TRIOBP: variants seen among roughly 807,000 people sequenced by gnomAD.
TRIOBP encodes TRIO and F-actin binding protein.
A neutral mutation model predicts 238.8 loss-of-function variants in TRIOBP; 169 were observed. That is an observed-to-expected ratio of 0.71 (90% CI 0.62 to 0.80). The LOEUF (loss-of-function observed/expected upper bound fraction) is 0.80. Among genes scored for constraint, TRIOBP ranks in the 30% least tolerant of loss-of-function variants. The pLI, the probability that TRIOBP is intolerant of heterozygous loss-of-function variation, is 0.00. For missense variants in TRIOBP, 2,838 were observed against 3,122.6 expected, an observed-to-expected ratio of 0.91 and a Z score of 2.17; for synonymous variants, 1,150 against 1,274.4, an observed-to-expected ratio of 0.90 and a Z score of 2.08.
chr22:37,741,211 G>A (rs1429785742), intron 11 of TRIOBP, among the ~76,000 whole-genome samples, 179 bp downstream of exon 11: 1 of 152,206 alleles, frequency 6.6e-6, no homozygotes, highest in Admixed American at 6.5e-5. Flanking sequence ...CTCAGCAAGC[G>A]AGTGGGTTTC....
At chr22:37,700,504 C>G (rs1266089660) in intron 2 of TRIOBP, among the ~76,000 whole-genome samples, 2 of 151,724 alleles carry the variant, frequency 1.3e-5, no homozygotes, top group Non-Finnish European at 2.9e-5. Context: ...CAGCCTCGAC[C>G]TCCCAGACTC....
intron 11 of TRIOBP, among the ~76,000 whole-genome samples, chr22:37,747,486 G>A (rs938904646): frequency 6.6e-5 from 10 of 152,178 alleles, no homozygotes; most frequent in African/African-American, 2.2e-4. Context: ...GGCTGCTGGG[G>A]GGCGTGGCAC....
Position 37,766,511 on chromosome 22 carries a change from G to A in TRIOBP, c.6472+694G>A, listed in dbSNP as rs139237886. ...AGGAAGATCGCCTTTGCAGCCGCGT[G>A]TGTTAGAGACCCCTTCCCCCTCAGC... On this transcript the variant is annotated intron_variant, in intron 18 of 23. Transcript: ENST00000644935. 1.1e-4 allele frequency among the ~76,000 whole-genome samples: 17 copies of A among 152,384 alleles called. No individual in the cohort carries two copies. In the East Asian group the frequency reaches 3.1e-3, roughly 28 times the overall value.
intron 11 of TRIOBP, among the ~76,000 whole-genome samples, chr22:37,748,355 A>C (rs895547452): frequency 2.4e-4 from 36 of 152,034 alleles, no homozygotes; most frequent in African/African-American, 8.0e-4. Context: ...CAGGTGTGTG[A>C]GTGTGTGAGG....
At position 37,740,555 on chromosome 22, in the gene TRIOBP, A is replaced by G. The variant is rs533281463; in HGVS notation, c.5185-340A>G. 1.9e-3 allele frequency among the ~76,000 whole-genome samples: 290 copies of G among 152,182 alleles called. 1 individual carries two copies. The highest frequency in any genetic ancestry group is 2.7e-3 in the Non-Finnish European group (182 of 67,908). On this transcript the variant is annotated intron_variant, in intron 10 of 23. Coordinates refer to ENST00000644935, the MANE Select transcript of TRIOBP (RefSeq NM_001039141.3). ...AGAAACACTGGAGATATGTATTTATATGTGAAATCTCTAACCTAATGTGAA... is the reference window on the plus strand; with the variant it reads ...AGAAACACTGGAGATATGTATTTATGTGTGAAATCTCTAACCTAATGTGAA...
chr22:37,755,479 C>G (rs1430732805), intron 14 of TRIOBP, 71 bp from the exon 15 acceptor site: 5 of 1,412,164 alleles, frequency 3.5e-6, no homozygotes, highest in East Asian at 4.6e-5. Flanking sequence ...GCCACCCTCC[C>G]TGGGGTCCAT....
chr22:37,720,547 C>T (rs2145829645), intron 6 of TRIOBP, among the ~76,000 whole-genome samples: 1 of 152,280 alleles, frequency 6.6e-6, no homozygotes, highest in Non-Finnish European at 1.5e-5. Flanking sequence ...AAAAAGTCTC[C>T]CTGGATGAAC....
chr22:37,746,067 G>GTCCCGCCT (rs1238779565), intron 11 of TRIOBP, among the ~76,000 whole-genome samples: 4 of 130,548 alleles, frequency 3.1e-5, no homozygotes, highest in South Asian at 5.1e-4. Context: ...CCGTCCCGCC[G>GTCCCGCCT]CCCCGCCGCC....
Position 37,734,592 on chromosome 22 carries a change from G to A in TRIOBP, c.4256G>A (p.Gly1419Asp). The change falls in exon 9 of 24, where the codon GGC becomes GAC. Residue 1419 changes from glycine to aspartate, a missense_variant. This residue lies in a region of TRIOBP where 2,096 missense variants were observed against 2,137.4 expected (regional missense o/e 0.98). Transcript: ENST00000644935. ...TQRPLESGQAGPRQPLGVWQS... is the reference protein window; with the variant it reads ...TQRPLESGQADPRQPLGVWQS... The stretch of plus-strand genomic sequence containing the variant: ...AGACCTCTGGAGAGTGGCCAAGCAG[G>A]CCCAAGACAGCCTCTGGGGGTGTGG... The A allele has an allele frequency of 6.3e-7, 1 of 1,579,994 alleles. No individual in the cohort carries two copies. Among genetic ancestry groups the A allele is most frequent in the East Asian group, 2.3e-5 (1 of 43,272 alleles).
chr22:37,708,206 A>G (rs1923050871), intron 3 of TRIOBP, among the ~76,000 whole-genome samples: 2 of 145,578 alleles, frequency 1.4e-5, no homozygotes, highest in Admixed American at 7.2e-5. Context: ...AGATCACGCC[A>G]CTGCACTCTA....
chr22:37,755,438 C>G (rs913096179), intron 14 of TRIOBP, 112 bp from the exon 15 acceptor site: 1 of 1,064,044 alleles, frequency 9.4e-7, no homozygotes, highest in African/African-American at 1.6e-5. Context: ...ACCCCAGACT[C>G]AAGACCTTAG....
chr22:37,697,351 CT>C (rs1298487871), intron 1 of TRIOBP, among the ~76,000 whole-genome samples: 1 of 152,118 alleles, frequency 6.6e-6, no homozygotes, highest in Non-Finnish European at 1.5e-5. Context: ...GTAGAGCCCC[CT>C]ACCCACCCCC....
intron 11 of TRIOBP, among the ~76,000 whole-genome samples, chr22:37,741,357 G>C (rs2096175760): frequency 1.3e-5 from 2 of 152,218 alleles, no homozygotes; most frequent in South Asian, 4.1e-4. Context: ...TATGGGGGAA[G>C]GGAAGGCGAG....
In TRIOBP at chr22:37,738,660, G is replaced by A; in HGVS notation, c.5125G>A (p.Glu1709Lys). ...PELQFQPEEP[E>K]ESEPSRGQDP... is the part of the protein sequence containing the mutation. Reference sequence around the variant, plus strand: ...TCTCCAGTTCCAACCAGAGGAGCCTGAGGAGTCAGAACCAAGCAGAGGCCA... The same window carrying A: ...TCTCCAGTTCCAACCAGAGGAGCCTAAGGAGTCAGAACCAAGCAGAGGCCA... Residue 1709 changes from glutamate to lysine, a missense_variant, in exon 10 of 24, where the codon GAG becomes AAG. This residue lies in a region of TRIOBP where 2,096 missense variants were observed against 2,137.4 expected (regional missense o/e 0.98). Transcript: ENST00000644935. The A allele has an allele frequency of 6.2e-7, 1 of 1,613,968 alleles. No homozygotes were observed. The highest frequency in any genetic ancestry group is 8.5e-7 in the Non-Finnish European group (1 of 1,179,948).
intron 2 of TRIOBP, among the ~76,000 whole-genome samples, chr22:37,697,992 G>A (rs1015279605): frequency 5.9e-5 from 9 of 151,886 alleles, no homozygotes; most frequent in Admixed American, 5.3e-4. Context: ...AAGGTCAGGA[G>A]TTCGAGACCA....
At chr22:37,766,114 C>T (rs752523946) in intron 18 of TRIOBP, among the ~76,000 whole-genome samples, 2 of 152,214 alleles carry the variant, frequency 1.3e-5, no homozygotes, top group Non-Finnish European at 2.9e-5. Flanking sequence ...AAGGCACATG[C>T]TACCCACGTG....
At chr22:37,741,066 G>A in intron 11 of TRIOBP, 34 bp downstream of exon 11, 1 of 1,554,344 alleles carries the variant, frequency 6.4e-7, no homozygotes, top group Non-Finnish European at 8.7e-7. Flanking sequence ...GGAGGGGTGA[G>A]GGTGGATAGA....
rs1028786042 is a variant in TRIOBP at position 37,735,187 on chromosome 22, C to T, written c.4851C>T (p.Gly1617=). The T allele has an allele frequency of 1.2e-6, 2 of 1,609,862 alleles. No individual in the cohort carries two copies. Among genetic ancestry groups the T allele is most frequent in the African/African-American group, 1.3e-5 (1 of 74,948 alleles). Residue 1617 remains glycine, a synonymous_variant, in exon 9 of 24, where the codon GGC becomes GGT. Transcript: ENST00000644935. ...RALGPELGPP[G]TNDVPEQESH... is the part of the protein sequence containing the mutation. ...TAGGGCCAGAGCTGGGTCCCCCAGG[C>T]ACAAACGATGTCCCTGAGCAGGAGT... is the stretch of plus-strand genomic sequence containing the variant.
At chr22:37,746,121 T>C (rs1204714671) in intron 11 of TRIOBP, 1 of 901,612 alleles carries the variant, frequency 1.1e-6, no homozygotes. Flanking sequence ...CCCCGGCCCG[T>C]CTCGCGCTTC....
Sources: gnomAD v4.1 joint callset for allele counts (sites outside exome capture counted in the v4.1 genomes callset) on GRCh38, gnomAD v4.1.1 for gene constraint, gnomAD v4.1.1 regional missense constraint, MANE v1.5 for transcripts, NCBI Gene and HGNC (gene_info 2026-07-23, HGNC 2026-07-21) for gene names.